The following ACADVL variants were observed in gnomAD, a reference collection of about 807,000 sequenced individuals.
ACADVL encodes very long-chain acyl-CoA dehydrogenase, mitochondrial.
ACADVL carries 73 observed loss-of-function variants against 80.4 expected under a neutral mutation model. That is an observed-to-expected ratio of 0.91 (90% CI 0.75 to 1.10). ACADVL has a LOEUF of 1.10. Among genes scored for constraint, ACADVL ranks in the 50% least tolerant of loss-of-function variants. The pLI, the probability that ACADVL is intolerant of heterozygous loss-of-function variation, is 0.00. For synonymous variants in ACADVL, 392 were observed against 326.5 expected, an observed-to-expected ratio of 1.20 and a Z score of -2.16; for missense variants, 878 against 858.9, an observed-to-expected ratio of 1.02 and a Z score of -0.28.
In ACADVL at chr17:7,221,074, C is replaced by T. The variant is rs202059117; in HGVS notation, c.477+16C>T. On this transcript the variant is annotated intron_variant, in intron 6 of 19. Transcript: ENST00000356839. Reference sequence around the variant, plus strand: ...CAACACCCAGGTGAGGGCGCCCTATCGCCACATCCCAGTATGCCATACCCC... The same window carrying T: ...CAACACCCAGGTGAGGGCGCCCTATTGCCACATCCCAGTATGCCATACCCC... 212 of 1,612,812 alleles carry T rather than the reference C, an allele frequency of 1.3e-4. No homozygotes were observed. Among genetic ancestry groups the T allele is most frequent in the Admixed American group, 5.0e-4 (30 of 60,008 alleles).
In ACADVL at chr17:7,222,826, G is replaced by T; in HGVS notation, c.1038G>T (p.Ala346=). ...ACAATGGAAGGTTTGGCATGGCTGC[G>T]GCCCTGGCAGGTACCATGAGAGGCA... The part of the protein sequence containing the change: ...ILNNGRFGMA[A]ALAGTMRGII... Residue 346 remains alanine, a synonymous_variant, in exon 10 of 20, where the codon GCG becomes GCT. Transcript: ENST00000356839. 1 of 1,613,206 alleles carries T rather than the reference G, an allele frequency of 6.2e-7. No homozygotes were observed. The highest frequency in any genetic ancestry group is 8.5e-7 in the Non-Finnish European group (1 of 1,179,990).
chr17:7,219,755 A>C, upstream of ACADVL: 1 of 1,463,486 alleles, frequency 6.8e-7, no homozygotes, highest in South Asian at 1.4e-5. Context: ...GACGGGCGGG[A>C]TTAAGGAGTT....
upstream of ACADVL, chr17:7,217,672 T>TGG (rs371507899): frequency 1.1e-4 from 127 of 1,146,136 alleles, no homozygotes; most frequent in Non-Finnish European, 1.3e-4. Flanking sequence ...GGAGCCAGAA[T>TGG]GGGGGGGGTG....
intron 8 of ACADVL, 38 bp from the exon 9 acceptor site, chr17:7,222,139 C>G (rs781176147): frequency 1.8e-5 from 29 of 1,614,072 alleles, no homozygotes; most frequent in Non-Finnish European, 2.3e-5. Flanking sequence ...CCCACTGCTC[C>G]CCGTCCTCCA....
chr17:7,224,780 A>G, intron 18 of ACADVL, 29 bp from the exon 19 acceptor site: 4 of 1,613,714 alleles, frequency 2.5e-6, no homozygotes, highest in Non-Finnish European at 3.4e-6. Context: ...GCCGGCCCAG[A>G]TTTATTTTCA....
At chr17:7,217,754 C>T (rs1237915800), upstream of ACADVL, 14 of 1,535,162 alleles carry the variant, frequency 9.1e-6, no homozygotes, top group South Asian at 1.5e-4. Flanking sequence ...AGCAGAAGCA[C>T]AGAGGCCCCT....
upstream of ACADVL, chr17:7,217,909 G>A (rs1289423936): frequency 4.8e-6 from 6 of 1,245,780 alleles, no homozygotes; most frequent in Admixed American, 8.0e-5. Flanking sequence ...CCTCTCGGCA[G>A]GCGGTAGGGG....
At chr17:7,223,577 T>G in intron 11 of ACADVL, 67 bp from the exon 12 acceptor site, 1 of 1,550,440 alleles carries the variant, frequency 6.4e-7, no homozygotes, top group South Asian at 1.1e-5. Context: ...GAGATCTGGG[T>G]GATGAGGCCA....
At position 7,222,275 on chromosome 17, in the gene ACADVL, T is replaced by C; in HGVS notation, c.851T>C (p.Val284Ala). 6.2e-7 allele frequency: 1 copy of C among 1,613,754 alleles called. No homozygotes were observed. Among genetic ancestry groups the C allele is most frequent in the Non-Finnish European group, 8.5e-7 (1 of 1,179,934 alleles). The change falls in exon 9 of 20, where the codon GTG becomes GCG. Residue 284 changes from valine to alanine, a missense_variant. Val to Ala is a moderately conservative substitution (Grantham distance 64, BLOSUM62 0). Coordinates refer to ENST00000356839, the MANE Select transcript of ACADVL (RefSeq NM_000018.4). Reference sequence around the variant, plus strand: ...AAGGAGAAGATCACAGCTTTTGTGGTGGAGAGGGGCTTCGGGGGCATTACC... The same window carrying C: ...AAGGAGAAGATCACAGCTTTTGTGGCGGAGAGGGGCTTCGGGGGCATTACC... ...AVKEKITAFV[V>A]ERGFGGITHG...
chr17:7,220,450 GTC>G lies in ACADVL; in HGVS notation c.139-10_139-9del. ...AGTCCCTTCCCTGAACTTGCTAACC[GTC>G]TCTTTTCCCAGCTGGCTCTGGACAA... is the stretch of plus-strand genomic sequence containing the variant. On this transcript the variant is annotated splice_polypyrimidine_tract_variant and intron_variant, in intron 2 of 19. Coordinates refer to ENST00000356839, the MANE Select transcript of ACADVL (RefSeq NM_000018.4). 1.9e-6 allele frequency: 3 copies of G among 1,614,158 alleles called. No individual in the cohort carries two copies.
At chr17:7,223,499 A>C (rs2071331700) in intron 11 of ACADVL, 145 bp from the exon 12 acceptor site, 4 of 943,408 alleles carry the variant, frequency 4.2e-6, no homozygotes, top group Non-Finnish European at 7.0e-6. Flanking sequence ...AATACCTGGA[A>C]GCACCTGATG....
At chr17:7,218,693 AAC>A (rs1306756552), upstream of ACADVL, 1 of 1,541,108 alleles carries the variant, frequency 6.5e-7, no homozygotes, top group African/African-American at 1.4e-5. Flanking sequence ...CAGGAAGATG[AAC>A]ACACTGTCAC....
Position 7,223,813 on chromosome 17 carries a change from G to T in ACADVL, c.1270G>T (p.Glu424Ter). 1 of 1,614,138 alleles carries T rather than the reference G, an allele frequency of 6.2e-7. No individual in the cohort carries two copies. The highest frequency in any genetic ancestry group is 1.1e-5 in the South Asian group (1 of 91,074). Residue 424 changes from glutamate to a stop codon, truncating the protein, a stop_gained and splice_region_variant, in exon 13 of 20, where the codon GAG (glutamate) becomes TAG (stop). Coordinates refer to ENST00000356839, the MANE Select transcript of ACADVL (RefSeq NM_000018.4). LOFTEE classifies it high-confidence loss of function. Reference sequence around the variant, plus strand: ...AGTCTCATCTGTTCTTTGTCCCTAGGAGGCAGCCTGGAAGGTGACAGATGA... The same window carrying T: ...AGTCTCATCTGTTCTTTGTCCCTAGTAGGCAGCCTGGAAGGTGACAGATGA... ...EAAISKIFGS[E>*]AAWKVTDECI... is the part of the protein sequence containing the mutation.
chr17:7,222,019 C>T lies in ACADVL; in HGVS notation c.690C>T (p.Thr230=), dbSNP rs749436149. The part of the protein sequence containing the change: ...SSGSDAASIR[T]SAVPSPCGKY... ...GGTCAGATGCAGCCTCCATCCGAAC[C>T]TCTGCTGTGCCCAGCCCCTGTGGAA... Residue 230 remains threonine, a synonymous_variant, in exon 8 of 20, where the codon ACC becomes ACT. Transcript: ENST00000356839. 22 of 1,614,048 alleles carry T rather than the reference C, an allele frequency of 1.4e-5. No homozygotes were observed. Among genetic ancestry groups the T allele is most frequent in the Non-Finnish European group, 1.8e-5 (21 of 1,180,042 alleles).
rs143172658 is a variant in ACADVL at position 7,223,700 on chromosome 17, A to G, written c.1239A>G (p.Ile413Met). The change falls in exon 12 of 20, where the codon ATA becomes ATG. Residue 413 changes from isoleucine (I) to methionine (M), a missense_variant. Physicochemically the swap from Ile to Met is conservative, Grantham distance 10. Transcript: ENST00000356839. The stretch of plus-strand genomic sequence containing the variant: ...ACCAGGGAGCCACGGACTTCCAGAT[A>G]GAGGCCGCCATCAGCAAAATCTTTG... ...NMDQGATDFQIEAAISKIFGS... is the reference protein window; with the variant it reads ...NMDQGATDFQMEAAISKIFGS... 9.1e-5 allele frequency: 147 copies of G among 1,614,020 alleles called. No homozygotes were observed. The highest frequency in any genetic ancestry group is 6.7e-5 in the East Asian group (3 of 44,884).
At position 7,221,577 on chromosome 17, in the gene ACADVL, G is replaced by A; in HGVS notation, c.517G>A (p.Gly173Ser). 1.2e-6 allele frequency: 2 copies of A among 1,614,020 alleles called. No individual in the cohort carries two copies. Among genetic ancestry groups the A allele is most frequent in the Non-Finnish European group, 1.7e-6 (2 of 1,180,010 alleles). The change falls in exon 7 of 20, where the codon GGC (glycine) becomes AGC (serine). Residue 173 changes from glycine to serine, a missense_variant. Coordinates refer to ENST00000356839, the MANE Select transcript of ACADVL (RefSeq NM_000018.4). ...LVEIVGMHDL[G>S]VGITLGAHQS... ...GGAGATCGTGGGCATGCATGACCTTGGCGTGGGCATTACCCTGGGGGCCCA... is the reference window on the plus strand; with the variant it reads ...GGAGATCGTGGGCATGCATGACCTTAGCGTGGGCATTACCCTGGGGGCCCA...
rs754668930 is a variant in ACADVL, at chr17:7,221,494, C to T, written c.478-44C>T. On this transcript the variant is annotated intron_variant, in intron 6 of 19. Transcript: ENST00000356839. ...CACACTCTCCTGTTAAGGTCAGGTC[C>T]CCCTGCAGCCAGTGACAACCCCAGA... 9 of 1,612,458 alleles carry T rather than the reference C, an allele frequency of 5.6e-6. No individual in the cohort carries two copies. In the Admixed American group the frequency reaches 1.5e-4, roughly 27 times the overall value.
In ACADVL at chr17:7,225,141, A is replaced by C; in HGVS notation, c.*44A>C. Reference sequence around the variant, plus strand: ...TGTCCCAGTTATGTGCCTTCCCTCAAGCCAAAGCCGAAGCCCCTTTCCTTA... The same window carrying C: ...TGTCCCAGTTATGTGCCTTCCCTCACGCCAAAGCCGAAGCCCCTTTCCTTA... On this transcript the variant is annotated 3_prime_UTR_variant, in exon 20 of 20. Transcript: ENST00000356839. 1 of 1,613,232 alleles carries C rather than the reference A, an allele frequency of 6.2e-7. No homozygotes were observed. The highest frequency in any genetic ancestry group is 8.5e-7 in the Non-Finnish European group (1 of 1,180,014).
At position 7,220,782 on chromosome 17, in the gene ACADVL, G is replaced by A. The variant is rs794727695; in HGVS notation, c.294G>A (p.Gln98=). Residue 98 remains glutamine (Q), a synonymous_variant, in exon 5 of 20, where the codon CAG becomes CAA. Transcript: ENST00000356839. The part of the protein sequence containing the change: ...FPYPSVLNEE[Q]TQFLKELVEP... ...CCTCTGCAGTGCTCAACGAAGAGCAGACACAGTTTCTTAAAGAGCTGGTGG... is the reference window on the plus strand; with the variant it reads ...CCTCTGCAGTGCTCAACGAAGAGCAAACACAGTTTCTTAAAGAGCTGGTGG... 6.2e-7 allele frequency: 1 copy of A among 1,614,124 alleles called. No homozygotes were observed. Among genetic ancestry groups the A allele is most frequent in the Non-Finnish European group, 8.5e-7 (1 of 1,180,036 alleles).
Sources: gnomAD v4.1 joint callset for allele counts on GRCh38, gnomAD v4.1.1 for gene constraint, MANE v1.5 for transcripts, NCBI Gene and HGNC (gene_info 2026-07-23, HGNC 2026-07-21) for gene names.